ARHGEF4: variants seen among roughly 807,000 people sequenced by gnomAD.
ARHGEF4 encodes Rho guanine nucleotide exchange factor 4, also known as APC-stimulated guanine nucleotide exchange factor 1.
ARHGEF4 carries 119 observed loss-of-function variants against 162.0 expected under a neutral mutation model. The ratio of observed to expected loss-of-function variants is 0.73; its 90% confidence interval spans 0.63 to 0.86. ARHGEF4 has a LOEUF of 0.86. ARHGEF4 is among the 40% of genes least tolerant of loss of function. The probability of loss-of-function intolerance (pLI) is 0.00; values close to 1 mark genes in which losing one functional copy is unlikely to be tolerated. For synonymous variants in ARHGEF4, 1,014 were observed against 979.9 expected, an observed-to-expected ratio of 1.03 and a Z score of -0.65; for missense variants, 2,488 against 2,456.0, an observed-to-expected ratio of 1.01 and a Z score of -0.28.
At position 130,915,999 on chromosome 2, in the gene ARHGEF4, G is replaced by A; in HGVS notation, c.2053G>A (p.Ala685Thr). The change falls in exon 2 of 14, where the codon GCC becomes ACC. Residue 685 changes from alanine to threonine, a missense_variant. Transcript: ENST00000409359. The stretch of plus-strand genomic sequence containing the variant: ...GTCTCCCACTAGGGGGAAAACACCA[G>A]CCGGTAATGAGTGTGAGTTGCCAGC... ...CESPTRGKTP[A>T]GNECELPAAP... 1 of 1,550,528 alleles carries A rather than the reference G, an allele frequency of 6.4e-7. No homozygotes were observed.
chr2:130,881,731 A>G (rs985889449), intron 1 of ARHGEF4, among the ~76,000 whole-genome samples: 1 of 152,080 alleles, frequency 6.6e-6, no homozygotes, highest in Admixed American at 6.5e-5. Context: ...ACCATCCTGG[A>G]GGGCGGCCCT....
Position 131,010,938 on chromosome 2 carries a change from T to C in ARHGEF4, c.3986-17007T>C, listed in dbSNP as rs113297571. 5.3e-5 allele frequency among the ~76,000 whole-genome samples: 8 copies of C among 152,344 alleles called. 2 individuals are homozygous for C. The highest frequency in any genetic ancestry group is 1.9e-4 in the African/African-American group (8 of 41,580). On this transcript the variant is annotated intron_variant, in intron 4 of 13. Transcript: ENST00000409359. ...TTTAAAGCAGATCCAGAATGGATGG[T>C]ATTTTCAAGTTAATGTCTTTAGAAA...
At chr2:130,936,125 A>C (rs1390425501) in intron 3 of ARHGEF4, among the ~76,000 whole-genome samples, 1 of 152,184 alleles carries the variant, frequency 6.6e-6, no homozygotes, top group South Asian at 2.1e-4. Flanking sequence ...TTTCTGGAGA[A>C]TGTTCCATGT....
Position 131,046,154 on chromosome 2 carries a change from C to A in ARHGEF4, c.5596C>A (p.His1866Asn), listed in dbSNP as rs2105428531. 6.2e-7 allele frequency: 1 copy of A among 1,612,998 alleles called. No individual in the cohort carries two copies. Among genetic ancestry groups the A allele is most frequent in the East Asian group, 2.2e-5 (1 of 44,874 alleles). Residue 1866 changes from histidine to asparagine, a missense_variant, in exon 14 of 14, where the codon CAC (histidine) becomes AAC (asparagine). Physicochemically the swap from His to Asn is moderately conservative, Grantham distance 68. Transcript: ENST00000409359. ...EPRRKPSTFW[H>N]SISRLAPFRK The stretch of plus-strand genomic sequence containing the variant: ...CAGGCGCAAGCCATCTACCTTCTGG[C>A]ACAGCATCAGCCGGCTGGCACCCTT...
chr2:130,976,179 C>T lies in ARHGEF4; in HGVS notation c.3985+29544C>T, dbSNP rs115433801. Among the ~76,000 whole-genome samples the T allele has an allele frequency of 1.5e-3, 227 of 152,196 alleles. 1 individual carries two copies. The highest frequency in any genetic ancestry group is 5.2e-3 in the African/African-American group (217 of 41,508). ...GAAGCTCAGCCATGTCCTGGAACATCCCAGGGTGTGTGGCCCAGGGCATTG... is the reference window on the plus strand; with the variant it reads ...GAAGCTCAGCCATGTCCTGGAACATTCCAGGGTGTGTGGCCCAGGGCATTG... On this transcript the variant is annotated intron_variant, in intron 4 of 13. Coordinates refer to ENST00000409359, the MANE Select transcript of ARHGEF4 (RefSeq NM_001367493.1).
At chr2:130,838,633 GAAGGAAGGA>G (rs1680379292) in intron 1 of ARHGEF4, among the ~76,000 whole-genome samples, 1 of 151,798 alleles carries the variant, frequency 6.6e-6, no homozygotes, top group East Asian at 1.9e-4. Context: ...AAGAAGGAAG[GAAGGAAGGA>G]AAGGAAGGAA....
chr2:130,991,753 C>G (rs546050876), intron 4 of ARHGEF4, among the ~76,000 whole-genome samples: 1 of 152,238 alleles, frequency 6.6e-6, no homozygotes, highest in African/African-American at 2.4e-5. Context: ...CTGTGCAGCC[C>G]GAGCCTCCCA....
chr2:130,979,734 TAAAAAAAAA>T lies in ARHGEF4; in HGVS notation c.3985+33113_3985+33121del, dbSNP rs776769283. Among the ~76,000 whole-genome samples, 17 of 92,720 alleles carry T rather than the reference TAAAAAAAAA, an allele frequency of 1.8e-4. 1 individual carries two copies. 60.8% of individuals were successfully genotyped at this position (92,720 alleles called of 152,430 possible). On this transcript the variant is annotated intron_variant, in intron 4 of 13. Transcript: ENST00000409359. ...CTCGGTGACAAAGCAAGACTCCATCTAAAAAAAAAAAAAAAAAAAAAACCTGAAATTTTG... is the reference window on the plus strand; with the variant it reads ...CTCGGTGACAAAGCAAGACTCCATCTAAAAAAAAAAAAACCTGAAATTTTG...
At chr2:130,993,640 C>T (rs1197396101) in intron 4 of ARHGEF4, among the ~76,000 whole-genome samples, 4 of 151,966 alleles carry the variant, frequency 2.6e-5, no homozygotes, top group African/African-American at 9.7e-5. Context: ...TATGTATTAG[C>T]CTTTATCATT....
intron 11 of ARHGEF4, 133 bp from the exon 12 acceptor site, chr2:131,044,166 G>A: frequency 7.5e-7 from 1 of 1,335,656 alleles, no homozygotes; most frequent in Non-Finnish European, 1.0e-6. Flanking sequence ...CTGCCCTCAG[G>A]ATCTCACTGT....
At chr2:131,038,709 T>C (rs1690504189) in intron 5 of ARHGEF4, 144 bp from the exon 6 acceptor site, 1 of 851,546 alleles carries the variant, frequency 1.2e-6, no homozygotes, top group Non-Finnish European at 1.8e-6. Context: ...AAAGCCCTGC[T>C]CCTGTCAGAG....
chr2:130,925,583 T>C (rs894880622), intron 2 of ARHGEF4, among the ~76,000 whole-genome samples: 3 of 152,210 alleles, frequency 2.0e-5, no homozygotes, highest in African/African-American at 7.2e-5. Flanking sequence ...CTGAAGAATA[T>C]TTTCACTGGA....
At chr2:130,954,653 C>T (rs552110966) in intron 4 of ARHGEF4, among the ~76,000 whole-genome samples, 77 of 152,296 alleles carry the variant, frequency 5.1e-4, no homozygotes, top group African/African-American at 1.8e-3. Context: ...AATTGTTAAT[C>T]ATATTGAAGA....
intron 4 of ARHGEF4, among the ~76,000 whole-genome samples, chr2:130,995,690 C>T (rs1687334434): frequency 6.6e-6 from 1 of 152,132 alleles, no homozygotes; most frequent in Non-Finnish European, 1.5e-5. Flanking sequence ...ATTAAGGTTA[C>T]TTCGGTCCAA....
At position 131,005,781 on chromosome 2, in the gene ARHGEF4, G is replaced by C. The variant is rs929237818; in HGVS notation, c.3986-22164G>C. Among the ~76,000 whole-genome samples, 9 of 152,280 alleles carry C rather than the reference G, an allele frequency of 5.9e-5. No individual in the cohort carries two copies. In the East Asian group the frequency reaches 1.7e-3, roughly 29 times the overall value. ...GGACCACAGGGACCCGTGGTGCTGG[G>C]CAGCTTCCCGGCAAAAGGTCTGGAA... On this transcript the variant is annotated intron_variant, in intron 4 of 13. Coordinates refer to ENST00000409359, the MANE Select transcript of ARHGEF4 (RefSeq NM_001367493.1).
chr2:130,847,843 G>A (rs1466860596), intron 1 of ARHGEF4, among the ~76,000 whole-genome samples: 4 of 152,234 alleles, frequency 2.6e-5, no homozygotes, highest in African/African-American at 7.2e-5. Context: ...TCCGTGTGCT[G>A]GCTCCACTGC....
rs1690577204 is a variant in ARHGEF4 at position 131,039,349 on chromosome 2, G to A, written c.4305+317G>A. 7 of 1,143,834 alleles carry A rather than the reference G, an allele frequency of 6.1e-6. No homozygotes were observed. In the South Asian group the frequency reaches 2.1e-4, roughly 35 times the overall value. The allele number at this position is 1,143,834 out of a possible 1,614,324, so 70.9% of individuals were successfully genotyped here. A position where few individuals can be genotyped will look rare whatever the true frequency, so the allele number is the denominator to read the frequency against. On this transcript the variant is annotated intron_variant, in intron 6 of 13. Transcript: ENST00000409359. ...CCCAAGCCCTGAAGAGCACTGATAG[G>A]GGACTGCTCACCTCACACACAGCCC...
intron 1 of ARHGEF4, among the ~76,000 whole-genome samples, chr2:130,877,853 C>T (rs905262305): frequency 3.3e-5 from 5 of 152,138 alleles, no homozygotes; most frequent in Admixed American, 2.6e-4. Flanking sequence ...AGAATGTCAG[C>T]GCCATGGGGT....
chr2:130,893,977 G>T (rs1680010396), intron 1 of ARHGEF4, among the ~76,000 whole-genome samples: 1 of 152,330 alleles, frequency 6.6e-6, no homozygotes, highest in South Asian at 2.1e-4. Flanking sequence ...GAGCCTGCAG[G>T]CTGGCCTGCC....
Sources: allele counts gnomAD v4.1 joint callset (sites outside exome capture counted in the v4.1 genomes callset), GRCh38; gene constraint gnomAD v4.1.1; transcripts MANE v1.5; gene names NCBI Gene and HGNC (gene_info 2026-07-23, HGNC 2026-07-21).